ASH1L: variants seen among roughly 807,000 people sequenced by gnomAD.
The protein encoded by ASH1L is ASH1 like histone lysine methyltransferase.
ASH1L carries 23 observed loss-of-function variants against 269.0 expected under a neutral mutation model. That is an observed-to-expected ratio of 0.09 (90% CI 0.06 to 0.12). The LOEUF (loss-of-function observed/expected upper bound fraction) is 0.12, where lower values mean the gene tolerates loss of function less well. ASH1L is among the 10% of genes least tolerant of loss of function. The probability of loss-of-function intolerance (pLI) is 1.00; values close to 1 mark genes in which losing one functional copy is unlikely to be tolerated. For synonymous variants in ASH1L, 1,187 were observed against 1,253.5 expected (o/e 0.95, Z 1.12); for missense variants, 2,912 against 3,567.8 (o/e 0.82, Z 4.68).
chr1:155,553,953 C>T (rs1327596862), intron 1 of ASH1L, among the ~76,000 whole-genome samples: 9 of 151,956 alleles, frequency 5.9e-5, no homozygotes, highest in Non-Finnish European at 1.0e-4. Flanking sequence ...TGTGCCACTA[C>T]GCCTGGCTAA....
At chr1:155,435,225 T>C (rs1239565665) in intron 5 of ASH1L, among the ~76,000 whole-genome samples, 1 of 152,200 alleles carries the variant, frequency 6.6e-6, no homozygotes, top group African/African-American at 2.4e-5. Context: ...TGGGAATGGC[T>C]AAACTAATCA....
intron 19 of ASH1L, 21 bp from the exon 20 acceptor site, chr1:155,347,925 A>C (rs915147536): frequency 2.6e-5 from 42 of 1,611,326 alleles, no homozygotes; most frequent in Non-Finnish European, 3.6e-5. Flanking sequence ...CAAATAAAGA[A>C]ATCATGTTTG....
intron 12 of ASH1L, among the ~76,000 whole-genome samples, chr1:155,368,595 T>G (rs1571017299): frequency 6.6e-6 from 1 of 152,080 alleles, no homozygotes; most frequent in East Asian, 1.9e-4. Flanking sequence ...CAGCTGGGAT[T>G]ACAAGCGCCT....
intron 12 of ASH1L, among the ~76,000 whole-genome samples, chr1:155,364,580 G>A (rs966910000): frequency 6.6e-6 from 1 of 152,054 alleles, no homozygotes; most frequent in African/African-American, 2.4e-5. Flanking sequence ...ATTAAGCGCT[G>A]TTGTATATTT....
chr1:155,471,757 C>T (rs192322779), intron 3 of ASH1L, among the ~76,000 whole-genome samples: 34 of 152,292 alleles, frequency 2.2e-4, no homozygotes, highest in Admixed American at 7.2e-4. Flanking sequence ...GGGGGTTGCA[C>T]GAAGTTGCAA....
chr1:155,419,585 T>C (rs1310428321), intron 5 of ASH1L: 1 of 152,206 alleles, frequency 6.6e-6, no homozygotes, highest in Non-Finnish European at 1.5e-5. Context: ...CCTCTCATTT[T>C]ACTAAGTACA....
rs754325278 is a variant in ASH1L, at chr1:155,480,056, G to A, written c.2814C>T (p.Ser938=). 5.6e-6 allele frequency: 9 copies of A among 1,613,888 alleles called. No homozygotes were observed. The highest frequency in any genetic ancestry group is 3.3e-5 in the South Asian group (3 of 91,062). ...CATCTGGATCCTGAAGTTGATCCTC[G>A]CTCTCAAAGAAATCACTGCTACTTC... ...NHRSSSDFFE[S]EDQLQDPDDL... The change falls in exon 3 of 28, where the codon AGC becomes AGT. Residue 938 remains serine, a synonymous_variant. Coordinates refer to ENST00000392403, the MANE Select transcript of ASH1L (RefSeq NM_018489.3).
At chr1:155,422,160 C>T (rs75536376) in intron 5 of ASH1L, among the ~76,000 whole-genome samples, 4,318 of 152,122 alleles carry the variant, frequency 0.028, 125 homozygotes, top group African/African-American at 0.081. Context: ...TTTTTTGAGT[C>T]AGAGTCTCAT....
At chr1:155,466,171 G>A (rs1332024775) in intron 3 of ASH1L, among the ~76,000 whole-genome samples, 1 of 152,042 alleles carries the variant, frequency 6.6e-6, no homozygotes, top group Admixed American at 6.6e-5. Context: ...TGGCTAACAC[G>A]GTGAAACCCC....
rs536316430 is a variant in ASH1L at position 155,562,077 on chromosome 1, G to A, written c.-100+76C>T. The A allele has an allele frequency of 1.9e-5, 19 of 985,328 alleles. No homozygotes were observed. The African/African-American group carries it at 2.8e-4, about 14-fold the overall frequency. 61.0% of individuals were successfully genotyped at this position (985,328 alleles called of 1,614,324 possible). A position where few individuals can be genotyped will look rare whatever the true frequency, so the allele number is the denominator to read the frequency against. ...AGATCCAGGTCCGGGAGATGACAGT[G>A]GCTCCCAGAAAGCCCAGGATTCAAT... On this transcript the variant is annotated intron_variant, in intron 1 of 27. Coordinates refer to ENST00000392403, the MANE Select transcript of ASH1L (RefSeq NM_018489.3).
At chr1:155,385,149 TA>T (rs1466262090) in intron 7 of ASH1L, among the ~76,000 whole-genome samples, 1 of 152,136 alleles carries the variant, frequency 6.6e-6, no homozygotes, top group Non-Finnish European at 1.5e-5. Flanking sequence ...AATTCTAATT[TA>T]AAAAAATTAT....
chr1:155,477,792 T>C, intron 3 of ASH1L, 94 bp downstream of exon 3: 1 of 1,222,010 alleles, frequency 8.2e-7, no homozygotes, highest in East Asian at 2.5e-5. Flanking sequence ...CAAAAAAAGA[T>C]ATATATATTA....
chr1:155,477,998 C>G lies in ASH1L; in HGVS notation c.4872G>C (p.Arg1624=). 2 of 1,614,230 alleles carry G rather than the reference C, an allele frequency of 1.2e-6. No homozygotes were observed. Among genetic ancestry groups the G allele is most frequent in the Non-Finnish European group, 1.7e-6 (2 of 1,180,050 alleles). The change falls in exon 3 of 28, where the codon CGG becomes CGC. Residue 1624 remains arginine, a synonymous_variant. Transcript: ENST00000392403. ...CRVSNPNSSG[R]KKLTDSPGLF... ...GTCCAGGGCTGTCAGTTAATTTCTT[C>G]CGGCCACTGGAGTTAGGGTTTGAAA...
At chr1:155,542,732 T>G (rs910289347) in intron 1 of ASH1L, among the ~76,000 whole-genome samples, 2 of 148,922 alleles carry the variant, frequency 1.3e-5, no homozygotes, top group African/African-American at 2.5e-5. Context: ...CAGGCTGGAG[T>G]GCAGTGGTGC....
intron 5 of ASH1L, among the ~76,000 whole-genome samples, chr1:155,417,984 G>A (rs1660356179): frequency 6.6e-6 from 1 of 150,926 alleles, no homozygotes. Context: ...ACTAGCCTTA[G>A]CTAAGTTTAA....
intron 2 of ASH1L, among the ~76,000 whole-genome samples, chr1:155,518,088 C>T (rs535813267): frequency 6.6e-6 from 1 of 152,232 alleles, no homozygotes; most frequent in Admixed American, 6.5e-5. Flanking sequence ...GCGTGAGCCA[C>T]CACGCCCGGC....
chr1:155,562,708 C>A lies in ASH1L; in HGVS notation c.-655G>T. ...GCCCGTACGCGCTCACCCACAGGAA[C>A]CCCCTCGTCCAGTCCCTCACTACCC... is the stretch of plus-strand genomic sequence containing the variant. On this transcript the variant is annotated 5_prime_UTR_variant, in exon 1 of 28. Coordinates refer to ENST00000392403, the MANE Select transcript of ASH1L (RefSeq NM_018489.3). 3 of 1,472,826 alleles carry A rather than the reference C, an allele frequency of 2.0e-6. No individual in the cohort carries two copies. The highest frequency in any genetic ancestry group is 1.2e-5 in the South Asian group (1 of 82,708). The allele number at this position is 1,472,826 out of a possible 1,614,324, so 91.2% of individuals were successfully genotyped here. A position where few individuals can be genotyped will look rare whatever the true frequency, so the allele number is the denominator to read the frequency against.
At chr1:155,340,722 T>C (rs1652714973) in intron 25 of ASH1L, among the ~76,000 whole-genome samples, 1 of 152,068 alleles carries the variant, frequency 6.6e-6, no homozygotes, top group Admixed American at 6.6e-5. Context: ...TAATGGTTAT[T>C]TTCTGGATAG....
At chr1:155,545,175 CAAAAAAAAAA>C (rs10624841) in intron 1 of ASH1L, among the ~76,000 whole-genome samples, 24 of 21,776 alleles carry the variant, frequency 1.1e-3, no homozygotes, top group Non-Finnish European at 1.4e-3. Context: ...TCCATCTCAC[CAAAAAAAAAA>C]AAAAAAAAAA....
Sources: allele counts gnomAD v4.1 joint callset (sites outside exome capture counted in the v4.1 genomes callset), GRCh38; gene constraint gnomAD v4.1.1; transcripts MANE v1.5; gene names NCBI Gene and HGNC (gene_info 2026-07-23, HGNC 2026-07-21).